TXK: variants seen among roughly 807,000 people sequenced by gnomAD.
The protein encoded by TXK is TXK tyrosine kinase.
In TXK, 60 loss-of-function variants were observed where a neutral mutation model predicts 81.0. That is an observed-to-expected ratio of 0.74 (90% CI 0.60 to 0.92). TXK has a LOEUF of 0.92. Among genes scored for constraint, TXK ranks in the 40% least tolerant of loss-of-function variants. The probability of loss-of-function intolerance (pLI) is 0.00; values close to 1 mark genes in which losing one functional copy is unlikely to be tolerated. For synonymous variants in TXK, 203 were observed against 210.7 expected (o/e 0.96, Z 0.32); for missense variants, 581 against 638.3 (o/e 0.91, Z 0.97).
intron 6 of TXK, among the ~76,000 whole-genome samples, chr4:48,101,343 T>C (rs936815863): frequency 6.6e-6 from 1 of 152,158 alleles, no homozygotes; most frequent in Middle Eastern, 3.2e-3. Flanking sequence ...AAGACAGTTA[T>C]AGTAGCTAAC....
chr4:48,125,731 C>G (rs1278767356), intron 1 of TXK, among the ~76,000 whole-genome samples: 3 of 152,196 alleles, frequency 2.0e-5, no homozygotes, highest in Non-Finnish European at 4.4e-5. Context: ...AGGGTGAACA[C>G]AGAGAGAGGT....
chr4:48,119,652 T>A (rs1718896220), intron 1 of TXK, among the ~76,000 whole-genome samples: 1 of 150,114 alleles, frequency 6.7e-6, no homozygotes, highest in Non-Finnish European at 1.5e-5. Flanking sequence ...AAATTACTAA[T>A]TCCCAAGAAT....
At chr4:48,110,701 ATCAAAT>A in intron 4 of TXK, 98 bp from the exon 5 acceptor site, 1 of 857,928 alleles carries the variant, frequency 1.2e-6, no homozygotes, top group Non-Finnish European at 1.9e-6. Flanking sequence ...TAGGGGGGAA[ATCAAAT>A]TCATTTTACT....
intron 8 of TXK, among the ~76,000 whole-genome samples, chr4:48,091,061 G>A (rs1717747452): frequency 6.6e-6 from 1 of 152,208 alleles, no homozygotes; most frequent in Non-Finnish European, 1.5e-5. Context: ...TGCCCACAGG[G>A]AGCTCTATCT....
chr4:48,117,785 C>T (rs1239378984), intron 1 of TXK, among the ~76,000 whole-genome samples: 1 of 152,170 alleles, frequency 6.6e-6, no homozygotes, highest in Non-Finnish European at 1.5e-5. Flanking sequence ...CTACAGGACC[C>T]TACCTGAACT....
At chr4:48,103,159 G>C (rs1656650296) in intron 6 of TXK, among the ~76,000 whole-genome samples, 1 of 152,110 alleles carries the variant, frequency 6.6e-6, no homozygotes, top group South Asian at 2.1e-4. Context: ...CCCTTGCCTT[G>C]TCTGGCTTCT....
intron 12 of TXK, among the ~76,000 whole-genome samples, chr4:48,074,880 AAG>A (rs1411187699): frequency 6.6e-6 from 1 of 152,170 alleles, no homozygotes; most frequent in African/African-American, 2.4e-5. Context: ...ACAGAAAACA[AAG>A]AGAGAAAAGC....
intron 5 of TXK, chr4:48,106,220 C>T (rs970789497): frequency 5.9e-5 from 9 of 152,140 alleles, no homozygotes; most frequent in Non-Finnish European, 8.8e-5. Context: ...AGGTTTTAAA[C>T]TTAATCTAAT....
chr4:48,087,893 AG>A (rs1487270498), intron 9 of TXK, among the ~76,000 whole-genome samples: 4 of 152,240 alleles, frequency 2.6e-5, no homozygotes, highest in Non-Finnish European at 2.9e-5. Context: ...GAAAGTAAAA[AG>A]TTAAGCCACA....
intron 14 of TXK, among the ~76,000 whole-genome samples, chr4:48,069,390 A>C (rs1026447297): frequency 4.8e-5 from 7 of 145,936 alleles, no homozygotes; most frequent in Non-Finnish European, 1.0e-4. Context: ...CAATGGTGGG[A>C]TCTTGGCTCA....
In TXK at chr4:48,097,640, G is replaced by A. The variant is rs370419528; in HGVS notation, c.502-2418C>T. 4.2e-3 allele frequency among the ~76,000 whole-genome samples: 641 copies of A among 151,490 alleles called. 2 individuals are homozygous for A. The highest frequency in any genetic ancestry group is 0.014 in the African/African-American group (598 of 41,278). On this transcript the variant is annotated intron_variant, in intron 6 of 14. Coordinates refer to ENST00000264316, the MANE Select transcript of TXK (RefSeq NM_003328.3). ...TTTAGTAGAGGCAGGGTTTCATCAT[G>A]TTGGCCAGGATGGTCTCGATCTCTT...
intron 6 of TXK, among the ~76,000 whole-genome samples, chr4:48,103,488 C>A (rs1250657590): frequency 6.6e-6 from 1 of 152,212 alleles, no homozygotes; most frequent in Non-Finnish European, 1.5e-5. Context: ...ATAGCCCCTG[C>A]TATGAAGTAG....
intron 10 of TXK, 58 bp downstream of exon 10, chr4:48,086,408 T>C (rs779176817): frequency 7.0e-6 from 11 of 1,570,996 alleles, no homozygotes; most frequent in Non-Finnish European, 9.6e-6. Context: ...AAAGCTCATG[T>C]TGTTTCCATG....
intron 8 of TXK, among the ~76,000 whole-genome samples, chr4:48,092,893 G>A (rs1027901107): frequency 6.6e-6 from 1 of 152,194 alleles, no homozygotes; most frequent in Non-Finnish European, 1.5e-5. Context: ...TTGCTAATAA[G>A]GCAGTGGTTA....
At chr4:48,105,597 ATGGG>A (rs1259541333) in intron 5 of TXK, among the ~76,000 whole-genome samples, 2 of 152,184 alleles carry the variant, frequency 1.3e-5, no homozygotes, top group African/African-American at 2.4e-5. Context: ...TATTTGGGTG[ATGGG>A]TACACCAGAA....
At chr4:48,101,474 G>A (rs1165322009) in intron 6 of TXK, among the ~76,000 whole-genome samples, 3 of 151,990 alleles carry the variant, frequency 2.0e-5, no homozygotes, top group African/African-American at 7.2e-5. Context: ...TTATAAGCCA[G>A]GGTCCCTTTT....
chr4:48,079,473 G>A (rs2109407283), intron 11 of TXK, among the ~76,000 whole-genome samples: 1 of 152,100 alleles, frequency 6.6e-6, no homozygotes, highest in Middle Eastern at 3.4e-3. Flanking sequence ...TCAGCATGAG[G>A]ACAGCTTCAA....
chr4:48,076,476 GAAGAA>G lies in TXK; in HGVS notation c.1174-15_1174-11del, dbSNP rs774544968. 1.6e-5 allele frequency: 25 copies of G among 1,604,750 alleles called. No homozygotes were observed. In the African/African-American group the frequency reaches 3.0e-4, roughly 19 times the overall value. On this transcript the variant is annotated splice_polypyrimidine_tract_variant and intron_variant, in intron 11 of 14. Transcript: ENST00000264316. ...AACAATTCCTTGCCGCCTATGGAAAGAAGAAAAGAATCCAAGTTTGAATACAAGCT... is the reference window on the plus strand; with the variant it reads ...AACAATTCCTTGCCGCCTATGGAAAGAAGAATCCAAGTTTGAATACAAGCT...
chr4:48,124,371 A>T (rs1020033740), intron 1 of TXK, among the ~76,000 whole-genome samples: 10 of 152,062 alleles, frequency 6.6e-5, no homozygotes, highest in African/African-American at 2.4e-4. Flanking sequence ...CCCAGTGGAG[A>T]CACTGGACCA....
Sources: allele counts gnomAD v4.1 joint callset (sites outside exome capture counted in the v4.1 genomes callset), GRCh38; gene constraint gnomAD v4.1.1; transcripts MANE v1.5; gene names NCBI Gene and HGNC (gene_info 2026-07-23, HGNC 2026-07-21).